Variants in PAGE2B observed in about 807,000 individuals in gnomAD.
The protein encoded by PAGE2B is PAGE family member 2B.
PAGE2B carries 5 observed loss-of-function variants against 7.6 expected under a neutral mutation model. The observed-to-expected ratio is 0.66, with a 90% CI of 0.34 to 1.38. The LOEUF is 1.38. Among genes scored for constraint, PAGE2B ranks in the 40% most tolerant of loss-of-function variants. The pLI is 0.04. For missense variants in PAGE2B, 70 were observed against 78.4 expected, an observed-to-expected ratio of 0.89 and a Z score of 0.41; for synonymous variants, 29 against 26.7, an observed-to-expected ratio of 1.09 and a Z score of -0.27.
the PAGE2B span, among the ~76,000 whole-genome samples, chrX:55,048,529 T>C: frequency 2.7e-5 from 3 of 111,820 alleles, no homozygotes; most frequent in Non-Finnish European, 5.6e-5. Context: ...ACATCCCTTG[T>C]AAGCTGGATT....
At chrX:55,058,749 G>A in the PAGE2B span, among the ~76,000 whole-genome samples, 2 of 111,277 alleles carry the variant, frequency 1.8e-5, no homozygotes, top group African/African-American at 6.5e-5. Flanking sequence ...TTGGAGATGA[G>A]AAGAGCCCAA....
intron 2 of PAGE2B, 128 bp from the exon 3 acceptor site, chrX:55,076,441 T>C (rs1200567687): frequency 9.6e-6 from 6 of 622,001 alleles, no homozygotes; most frequent in Non-Finnish European, 1.5e-5. Context: ...TATATACATA[T>C]ATGTATATAC....
chrX:55,049,570 C>A, the PAGE2B span, among the ~76,000 whole-genome samples: 1 of 111,742 alleles, frequency 8.9e-6, no homozygotes, highest in Non-Finnish European at 1.9e-5. Context: ...TCCGTTTCTT[C>A]TAGATTTTCT....
upstream of PAGE2B, among the ~76,000 whole-genome samples, chrX:55,073,156 G>A (rs1269919560): frequency 8.9e-6 from 1 of 111,778 alleles, no homozygotes; most frequent in Non-Finnish European, 1.9e-5. Flanking sequence ...GTGTCTGCCC[G>A]AACAACTGCC....
chrX:55,073,073 A>G (rs754113606), upstream of PAGE2B, among the ~76,000 whole-genome samples: 2 of 111,369 alleles, frequency 1.8e-5, no homozygotes, highest in South Asian at 7.6e-4. Context: ...CAGGAGAGTG[A>G]ACAGTTGTGT....
At chrX:55,057,455 G>A in the PAGE2B span, among the ~76,000 whole-genome samples, 1 of 111,566 alleles carries the variant, frequency 9.0e-6, no homozygotes, top group African/African-American at 3.3e-5. Flanking sequence ...ATGTTTAGTT[G>A]AGAATCAGTC....
At chrX:55,064,207 A>C in the PAGE2B span, among the ~76,000 whole-genome samples, 1 of 110,936 alleles carries the variant, frequency 9.0e-6, no homozygotes, top group Admixed American at 9.6e-5. Flanking sequence ...TTGCTGGGAG[A>C]CTTTTCATTA....
At chrX:55,031,584 A>G in the PAGE2B span, among the ~76,000 whole-genome samples, 5 of 111,701 alleles carry the variant, frequency 4.5e-5, no homozygotes, top group Non-Finnish European at 9.4e-5. Context: ...TATTATCCCT[A>G]TGTTACAGAT....
At chrX:55,070,525 G>A (rs1166031534), upstream of PAGE2B, among the ~76,000 whole-genome samples, 2 of 111,721 alleles carry the variant, frequency 1.8e-5, no homozygotes, top group Non-Finnish European at 3.8e-5. Context: ...TTGGGGTGGA[G>A]AGTTCTGTAG....
chrX:55,036,378 C>T, the PAGE2B span, among the ~76,000 whole-genome samples: 1 of 110,993 alleles, frequency 9.0e-6, no homozygotes, highest in Non-Finnish European at 1.9e-5. Context: ...TGTCTTGTGC[C>T]AGTTTTCAAA....
chrX:55,047,906 A>C, the PAGE2B span, among the ~76,000 whole-genome samples: 1 of 111,828 alleles, frequency 8.9e-6, no homozygotes, highest in African/African-American at 3.3e-5. Flanking sequence ...TATGTCCTGA[A>C]TGGTATTGCC....
intron 3 of PAGE2B, among the ~76,000 whole-genome samples, chrX:55,077,122 A>G (rs1318117042): frequency 8.9e-6 from 1 of 112,052 alleles, no homozygotes; most frequent in Non-Finnish European, 1.9e-5. Context: ...TAAAGCTCAT[A>G]GTCTAGTCAG....
At chrX:55,038,518 A>G in the PAGE2B span, among the ~76,000 whole-genome samples, 6 of 112,125 alleles carry the variant, frequency 5.4e-5, no homozygotes, top group Non-Finnish European at 9.4e-5. Context: ...CAAATTGTCA[A>G]CTTACACTTG....
the PAGE2B span, among the ~76,000 whole-genome samples, chrX:55,036,390 G>T: frequency 0.01 from 1,135 of 111,042 alleles, 12 homozygotes; most frequent in African/African-American, 0.032. Context: ...GTTTTCAAAG[G>T]GAATGCTTCC....
chrX:55,077,312 C>G (rs1215761532), intron 3 of PAGE2B, 87 bp from the exon 4 acceptor site: 55 of 1,169,801 alleles, frequency 4.7e-5, no homozygotes, highest in Non-Finnish European at 6.3e-5. Flanking sequence ...GTTTTTACTT[C>G]ATAATGATGA....
At chrX:55,045,701 T>A in the PAGE2B span, among the ~76,000 whole-genome samples, 1 of 111,223 alleles carries the variant, frequency 9.0e-6, no homozygotes, top group African/African-American at 3.3e-5. Flanking sequence ...AACACATGTA[T>A]GGAGGCTGAA....
the PAGE2B span, among the ~76,000 whole-genome samples, chrX:55,058,482 T>C: frequency 9.0e-6 from 1 of 111,538 alleles, no homozygotes; most frequent in Admixed American, 9.6e-5. Flanking sequence ...GTGCAGTCAT[T>C]GAACCTTTCA....
the PAGE2B span, among the ~76,000 whole-genome samples, chrX:55,045,689 G>C: frequency 9.0e-6 from 1 of 111,059 alleles, no homozygotes; most frequent in Non-Finnish European, 1.9e-5. Flanking sequence ...CTCAGATACA[G>C]GAACACATGT....
Position 55,076,024 on chromosome X carries a change from C to T in PAGE2B, c.-8-10C>T. ...TACACTTTTTCCAAATAACAGTATT[C>T]TATTTTCAGTGGGAAATATGAGTGA... is the stretch of plus-strand genomic sequence containing the variant. On this transcript the variant is annotated splice_polypyrimidine_tract_variant and intron_variant, in intron 1 of 4. Coordinates refer to ENST00000374971, the MANE Select transcript of PAGE2B (RefSeq NM_001015038.3). The T allele has an allele frequency of 8.4e-7, 1 of 1,196,205 alleles. No homozygotes were observed. Among genetic ancestry groups the T allele is most frequent in the Non-Finnish European group, 1.1e-6 (1 of 883,492 alleles).
Sources: allele counts gnomAD v4.1 joint callset (sites outside exome capture counted in the v4.1 genomes callset), GRCh38; gene constraint gnomAD v4.1.1; transcripts MANE v1.5; gene names NCBI Gene and HGNC (gene_info 2026-07-23, HGNC 2026-07-21).